The following PCDH7 variants were observed in gnomAD, a reference collection of about 807,000 sequenced individuals.
PCDH7 encodes the protein protocadherin 7.
A neutral mutation model predicts 58.9 loss-of-function variants in PCDH7; 17 were observed. That is an observed-to-expected ratio of 0.29 (90% CI 0.20 to 0.43). The LOEUF is 0.43. Among genes scored for constraint, PCDH7 ranks in the 20% least tolerant of loss-of-function variants. The pLI, the probability that PCDH7 is intolerant of heterozygous loss-of-function variation, is 1.00. For synonymous variants in PCDH7, 664 were observed against 616.4 expected, an observed-to-expected ratio of 1.08 and a Z score of -1.14; for missense variants, 1,274 against 1,441.0, an observed-to-expected ratio of 0.88 and a Z score of 1.88.
intron 3 of PCDH7, among the ~76,000 whole-genome samples, chr4:31,046,187 T>A (rs1374759442): frequency 6.6e-6 from 1 of 151,972 alleles, no homozygotes; most frequent in Non-Finnish European, 1.5e-5. Context: ...TCTAGGCCTG[T>A]TTAATAAGGA....
intron 1 of PCDH7, among the ~76,000 whole-genome samples, chr4:30,852,829 GAA>G (rs58210433): frequency 0.012 from 871 of 74,570 alleles, 6 homozygotes; most frequent in African/African-American, 0.039. Context: ...TCAAGCACAG[GAA>G]AAAAAAAAAA....
chr4:30,989,148 T>TG (rs1454199005), intron 3 of PCDH7, among the ~76,000 whole-genome samples: 1 of 151,594 alleles, frequency 6.6e-6, no homozygotes, highest in Non-Finnish European at 1.5e-5. Context: ...AAATCACAGT[T>TG]TTTTTTTTCC....
intron 3 of PCDH7, among the ~76,000 whole-genome samples, chr4:31,059,932 G>A (rs1358687994): frequency 2.6e-5 from 4 of 151,672 alleles, no homozygotes; most frequent in Admixed American, 6.6e-5. Flanking sequence ...AAGAGATTGA[G>A]CAACATCAAG....
intron 3 of PCDH7, among the ~76,000 whole-genome samples, chr4:30,978,046 A>G (rs80113840): frequency 7.0e-4 from 107 of 152,276 alleles, no homozygotes; most frequent in African/African-American, 2.5e-3. Flanking sequence ...TTTCATGAGT[A>G]TCACTCAAAA....
At chr4:31,057,426 T>C (rs1475083873) in intron 3 of PCDH7, among the ~76,000 whole-genome samples, 3 of 152,164 alleles carry the variant, frequency 2.0e-5, no homozygotes, top group Non-Finnish European at 4.4e-5. Context: ...TATAAACATA[T>C]ATGAACTTTT....
chr4:30,866,911 CT>C lies in PCDH7; in HGVS notation c.71-53239del, dbSNP rs1456572239. Among the ~76,000 whole-genome samples, 31 of 152,112 alleles carry C rather than the reference CT, an allele frequency of 2.0e-4. No individual in the cohort carries two copies. In the East Asian group the frequency reaches 6.0e-3, roughly 29 times the overall value. ...ACGTTTTGTTTTCCTTTTTCTTTTC[CT>C]TTCTTTTTGGTTTCCCCCCAGAACA... On this transcript the variant is annotated intron_variant, in intron 1 of 3. Coordinates refer to the PCDH7 transcript ENST00000509759.
chr4:30,874,948 C>T (rs1032808948), intron 1 of PCDH7, among the ~76,000 whole-genome samples: 15 of 151,978 alleles, frequency 9.9e-5, no homozygotes, highest in African/African-American at 3.6e-4. Context: ...TATGCTAACT[C>T]TCAGACTTGG....
At chr4:31,104,141 TAA>T (rs1424894362) in intron 3 of PCDH7, among the ~76,000 whole-genome samples, 1 of 152,218 alleles carries the variant, frequency 6.6e-6, no homozygotes, top group Non-Finnish European at 1.5e-5. Flanking sequence ...GCATTGCAGT[TAA>T]AGTTTCTCAA....
At chr4:31,005,098 G>A (rs1158924964) in intron 3 of PCDH7, among the ~76,000 whole-genome samples, 3 of 152,172 alleles carry the variant, frequency 2.0e-5, no homozygotes, top group African/African-American at 4.8e-5. Context: ...AGCGTATGTG[G>A]CCTCCAGATT....
At chr4:30,996,408 G>A (rs540875167) in intron 3 of PCDH7, among the ~76,000 whole-genome samples, 10 of 152,232 alleles carry the variant, frequency 6.6e-5, no homozygotes, top group Admixed American at 2.0e-4. Context: ...TCCAATGCGC[G>A]AGGACATTTT....
intron 3 of PCDH7, among the ~76,000 whole-genome samples, chr4:31,078,130 T>G (rs886493908): frequency 1.4e-4 from 21 of 152,172 alleles, no homozygotes; most frequent in African/African-American, 5.1e-4. Flanking sequence ...TAAGCGCATC[T>G]TCAGAAAGTG....
chr4:30,781,218 C>T (rs1404870887), intron 1 of PCDH7, among the ~76,000 whole-genome samples: 30 of 140,608 alleles, frequency 2.1e-4, no homozygotes, highest in African/African-American at 7.2e-4. Flanking sequence ...AGGCGTTCTT[C>T]TTTTTTTTTT....
intron 1 of PCDH7, among the ~76,000 whole-genome samples, chr4:30,842,613 T>C (rs1274421099): frequency 6.6e-6 from 1 of 152,154 alleles, no homozygotes; most frequent in Non-Finnish European, 1.5e-5. Flanking sequence ...AAGTTATACA[T>C]GATGTGATAT....
intron 3 of PCDH7, among the ~76,000 whole-genome samples, chr4:31,044,553 C>A (rs1198503222): frequency 1.3e-5 from 2 of 151,874 alleles, no homozygotes; most frequent in African/African-American, 4.8e-5. Flanking sequence ...AGGCTAACAA[C>A]TTTCAATTTT....
At chr4:30,791,123 T>C (rs774610015) in intron 1 of PCDH7, among the ~76,000 whole-genome samples, 1 of 152,016 alleles carries the variant, frequency 6.6e-6, no homozygotes, top group Non-Finnish European at 1.5e-5. Flanking sequence ...ATGAGGAAAA[T>C]GGCAACTGCA....
chr4:30,949,300 G>A (rs1326138456), intron 2 of PCDH7, among the ~76,000 whole-genome samples: 1 of 151,966 alleles, frequency 6.6e-6, no homozygotes, highest in East Asian at 1.9e-4. Flanking sequence ...AACATACAAA[G>A]TTAAATATTT....
At chr4:30,882,089 G>C (rs1737040801) in intron 1 of PCDH7, among the ~76,000 whole-genome samples, 2 of 110,602 alleles carry the variant, frequency 1.8e-5, no homozygotes, top group Admixed American at 1.9e-4. Context: ...CTCCTCCCCT[G>C]CTTCCTCCCC....
chr4:30,822,044 G>T (rs1026034633), intron 1 of PCDH7, among the ~76,000 whole-genome samples: 2 of 152,030 alleles, frequency 1.3e-5, no homozygotes, highest in South Asian at 2.1e-4. Context: ...GACCACAAAC[G>T]ATCGGTATCT....
Position 30,751,956 on chromosome 4 carries a change from C to T in PCDH7, c.70+27360C>T, listed in dbSNP as rs931147849. ...TTTTCTCCTGTTTCAAAATAGTAAA[C>T]TTGTTGCCATGATGGTTTTTAGGGT... is the stretch of plus-strand genomic sequence containing the variant. On this transcript the variant is annotated intron_variant, in intron 1 of 3. Transcript: ENST00000509759. Among the ~76,000 whole-genome samples, 7 of 152,212 alleles carry T rather than the reference C, an allele frequency of 4.6e-5. No homozygotes were observed. The East Asian group carries it at 1.2e-3, about 25-fold the overall frequency.
Sources: allele counts gnomAD v4.1 joint callset (sites outside exome capture counted in the v4.1 genomes callset), GRCh38; gene constraint gnomAD v4.1.1; transcripts MANE v1.5; gene names NCBI Gene and HGNC (gene_info 2026-07-23, HGNC 2026-07-21).